The following SPG11 variants were observed in gnomAD, a reference collection of about 807,000 sequenced individuals.
SPG11 encodes the protein spatacsin.
A neutral mutation model predicts 274.0 loss-of-function variants in SPG11; 222 were observed. That is an observed-to-expected ratio of 0.81 (90% confidence interval 0.73 to 0.91). The LOEUF (loss-of-function observed/expected upper bound fraction) is 0.91, where lower values mean the gene tolerates loss of function less well. SPG11 is among the 40% of genes least tolerant of loss of function. The probability of loss-of-function intolerance (pLI) is 0.00; values close to 1 mark genes in which losing one functional copy is unlikely to be tolerated. For synonymous variants in SPG11, 1,144 were observed against 1,039.7 expected (o/e 1.10, Z -1.93); for missense variants, 3,114 against 2,872.7 (o/e 1.08, Z -1.92).
intron 7 of SPG11, among the ~76,000 whole-genome samples, chr15:44,646,193 C>A (rs555967971): frequency 6.6e-6 from 1 of 152,088 alleles, no homozygotes; most frequent in African/African-American, 2.4e-5. Context: ...ATATTCCTCA[C>A]GGCACTATTG....
chr15:44,622,734 G>A lies in SPG11; in HGVS notation c.2310C>T (p.Asp770=). Reference sequence around the variant, plus strand: ...TAGTCTCACCTTTACCTACCAAAAAGTCACGTATATTTTTATTAGTTGTAT... The same window carrying A: ...TAGTCTCACCTTTACCTACCAAAAAATCACGTATATTTTTATTAGTTGTAT... ...CFYTTNKNIR[D]FLVEILKEKN... The change falls in exon 12 of 40, where the codon GAC becomes GAT. Residue 770 remains aspartate, a synonymous_variant. Coordinates refer to ENST00000261866, the MANE Select transcript of SPG11 (RefSeq NM_025137.4). The A allele has an allele frequency of 6.2e-7, 1 of 1,612,186 alleles. No homozygotes were observed. The highest frequency in any genetic ancestry group is 8.5e-7 in the Non-Finnish European group (1 of 1,178,414).
chr15:44,641,922 G>GAAAAAAAAAAAAAAAAAAAAA (rs71111874), intron 7 of SPG11, among the ~76,000 whole-genome samples: 1 of 55,918 alleles, frequency 1.8e-5, no homozygotes, highest in Non-Finnish European at 3.8e-5. Context: ...CTGCTTAACA[G>GAAAAAAAAAAAAAAAAAAAAA]AAAAAAAAAA....
At chr15:44,629,984 T>C (rs891078256) in intron 8 of SPG11, among the ~76,000 whole-genome samples, 1 of 151,800 alleles carries the variant, frequency 6.6e-6, no homozygotes, top group Non-Finnish European at 1.5e-5. Context: ...GGCAGAAGAA[T>C]TGCTTGAACC....
intron 8 of SPG11, 136 bp downstream of exon 8, chr15:44,633,369 T>G (rs1255037868): frequency 4.9e-6 from 1 of 204,088 alleles, no homozygotes; most frequent in African/African-American, 3.8e-5. Flanking sequence ...AAAAGAAAGT[T>G]TCCAAAAAGT....
At position 44,564,662 on chromosome 15, in the gene SPG11, C is replaced by G; in HGVS notation, c.7036G>C (p.Asp2346His). The change falls in exon 39 of 40, where the codon GAT (aspartate) becomes CAT (histidine). Residue 2346 changes from aspartate (D) to histidine (H), a missense_variant. By Grantham distance (81) the Asp-to-His change is moderately conservative. Coordinates refer to ENST00000261866, the MANE Select transcript of SPG11 (RefSeq NM_025137.4). ...IVAEAYDFVP[D>H]WAEILYQQVI... ...TGCTGGTATAAAATTTCAGCCCAATCTGGAACAAAATCGTAGGCCTCAGCC... is the reference window on the plus strand; with the variant it reads ...TGCTGGTATAAAATTTCAGCCCAATGTGGAACAAAATCGTAGGCCTCAGCC... The G allele has an allele frequency of 6.2e-7, 1 of 1,614,142 alleles. No homozygotes were observed. The highest frequency in any genetic ancestry group is 8.5e-7 in the Non-Finnish European group (1 of 1,180,022).
intron 19 of SPG11, among the ~76,000 whole-genome samples, chr15:44,607,455 T>C (rs1595874641): frequency 6.6e-6 from 1 of 152,184 alleles, no homozygotes. Context: ...CTAATTGTTA[T>C]ATTTTTAGTA....
In SPG11 at chr15:44,583,881, A is replaced by G; in HGVS notation, c.5799T>C (p.Ala1933=). ...SMEDLHPEIH[A]LLQSAELLEE... ...CAAGCAGCTCAGCACTTTGTAGGAG[A>G]GCATGGATCTCTGGGTGCAGATCCT... Residue 1933 remains alanine, a synonymous_variant, in exon 30 of 40, where the codon GCT becomes GCC. Transcript: ENST00000261866. 6.2e-7 allele frequency: 1 copy of G among 1,614,158 alleles called. No homozygotes were observed. The highest frequency in any genetic ancestry group is 8.5e-7 in the Non-Finnish European group (1 of 1,180,034).
intron 30 of SPG11, among the ~76,000 whole-genome samples, chr15:44,576,510 G>T (rs917691024): frequency 6.6e-6 from 1 of 151,708 alleles, no homozygotes; most frequent in African/African-American, 2.4e-5. Flanking sequence ...TTAGCTGGAC[G>T]TGGTGGCGGG....
intron 30 of SPG11, among the ~76,000 whole-genome samples, chr15:44,575,565 GCT>G (rs1480147435): frequency 6.7e-6 from 1 of 149,376 alleles, no homozygotes; most frequent in Non-Finnish European, 1.5e-5. Flanking sequence ...TGCGATCTCA[GCT>G]CACTGCAACC....
chr15:44,565,973 G>A lies in SPG11; in HGVS notation c.6880C>T (p.Leu2294Phe). 4 of 1,613,932 alleles carry A rather than the reference G, an allele frequency of 2.5e-6. No individual in the cohort carries two copies. Among genetic ancestry groups the A allele is most frequent in the Non-Finnish European group, 3.4e-6 (4 of 1,180,044 alleles). Residue 2294 changes from leucine (L) to phenylalanine (F), a missense_variant, in exon 38 of 40, where the codon CTC becomes TTC. Coordinates refer to ENST00000261866, the MANE Select transcript of SPG11 (RefSeq NM_025137.4). Reference sequence around the variant, plus strand: ...ATCTGCAGAGTTATCAACTTGGTGAGCCGCTGACAGTGCTGGGCCTGTCGC... The same window carrying A: ...ATCTGCAGAGTTATCAACTTGGTGAACCGCTGACAGTGCTGGGCCTGTCGC... ...CVRQAQHCQR[L>F]TKLITLQIHF...
chr15:44,626,052 A>AT lies in SPG11; in HGVS notation c.2244+278dup, dbSNP rs200813714. On this transcript the variant is annotated intron_variant, in intron 11 of 39. Transcript: ENST00000261866. ...AGGTGTAAGCCACCACGTCCTTTTT[A>AT]TTTTTTTTAGAGACAGGGTCTTGCT... Among the ~76,000 whole-genome samples the AT allele has an allele frequency of 0.015, 2,207 of 151,462 alleles. 55 individuals carry two copies. Among genetic ancestry groups the AT allele is most frequent in the East Asian group, 0.1 (517 of 5,138 alleles).
intron 32 of SPG11, chr15:44,573,341 T>TA: frequency 1.5e-6 from 1 of 648,484 alleles, no homozygotes; most frequent in Admixed American, 2.5e-5. Flanking sequence ...CATAAAACAA[T>TA]AAAAAGCAAC....
At position 44,655,085 on chromosome 15, in the gene SPG11, ATC is replaced by A. The variant is rs1439910599; in HGVS notation, c.869+2008_869+2009del. Reference sequence around the variant, plus strand: ...CTTAAAATGCCATGTGGTACTAATAATCTCTGTGTGAGCAGTTCTTCTCTCCA... The same window carrying A: ...CTTAAAATGCCATGTGGTACTAATAATCTGTGTGAGCAGTTCTTCTCTCCA... On this transcript the variant is annotated intron_variant, in intron 4 of 39. Coordinates refer to ENST00000261866, the MANE Select transcript of SPG11 (RefSeq NM_025137.4). Among the ~76,000 whole-genome samples, 6 of 152,272 alleles carry A rather than the reference ATC, an allele frequency of 3.9e-5. No homozygotes were observed. In the East Asian group the frequency reaches 1.2e-3, roughly 29 times the overall value.
At chr15:44,580,776 C>T (rs540186432) in intron 30 of SPG11, among the ~76,000 whole-genome samples, 30 of 152,284 alleles carry the variant, frequency 2.0e-4, no homozygotes, top group African/African-American at 6.7e-4. Context: ...GGTGACAAAG[C>T]GAGACTCCGT....
At position 44,585,820 on chromosome 15, in the gene SPG11, C is replaced by T; in HGVS notation, c.4937G>A (p.Cys1646Tyr). 1.2e-6 allele frequency: 2 copies of T among 1,613,708 alleles called. No individual in the cohort carries two copies. The highest frequency in any genetic ancestry group is 1.7e-6 in the Non-Finnish European group (2 of 1,179,948). ...GPDVKKLCIL[C>Y]QILKDTSIAI... is the part of the protein sequence containing the mutation. The stretch of plus-strand genomic sequence containing the variant: ...TATGGATGTATCCTTCAAAATCTGG[C>T]AAAGGATGCAAAGCTTTTTCACATC... Residue 1646 changes from cysteine to tyrosine, a missense_variant, in exon 29 of 40, where the codon TGC becomes TAC. Physicochemically the swap from Cys to Tyr is radical, Grantham distance 194 (BLOSUM62 -2). Coordinates refer to ENST00000261866, the MANE Select transcript of SPG11 (RefSeq NM_025137.4).
In SPG11 at chr15:44,596,092, T is replaced by G; in HGVS notation, c.4425A>C (p.Ser1475=). 2 of 1,613,416 alleles carry G rather than the reference T, an allele frequency of 1.2e-6. No individual in the cohort carries two copies. Among genetic ancestry groups the G allele is most frequent in the Non-Finnish European group, 8.5e-7 (1 of 1,180,018 alleles). The change falls in exon 25 of 40, where the codon TCA becomes TCC. Residue 1475 remains serine (S), a synonymous_variant. Coordinates refer to ENST00000261866, the MANE Select transcript of SPG11 (RefSeq NM_025137.4). The part of the protein sequence containing the change: ...QQAPILSVLA[S]CLQGASAISC... Reference sequence around the variant, plus strand: ...TTCTCATGATCCTCACCTGGAGACATGAGGCCAGAACACTGAGGATAGGGG... The same window carrying G: ...TTCTCATGATCCTCACCTGGAGACAGGAGGCCAGAACACTGAGGATAGGGG...
chr15:44,581,413 C>T (rs1468463431), intron 30 of SPG11, among the ~76,000 whole-genome samples: 3 of 151,946 alleles, frequency 2.0e-5, no homozygotes, highest in Non-Finnish European at 4.4e-5. Flanking sequence ...TGCCATGTTG[C>T]CCAGGCTGGT....
intron 35 of SPG11, among the ~76,000 whole-genome samples, chr15:44,568,875 T>C (rs1231823860): frequency 6.6e-6 from 1 of 152,062 alleles, no homozygotes; most frequent in Admixed American, 6.6e-5. Flanking sequence ...CTTATTTTCT[T>C]CAGTATTTAG....
Position 44,585,983 on chromosome 15 carries a change from G to GTTT in SPG11, c.4907-136_4907-134dup, listed in dbSNP as rs71111868. On this transcript the variant is annotated intron_variant, in intron 28 of 39. Transcript: ENST00000261866. ...GTGGTTAAAGGAAAAATAAAAAGCTGTTTTTTTTTTTTTTTTTTTTTGAGA... is the reference window on the plus strand; with the variant it reads ...GTGGTTAAAGGAAAAATAAAAAGCTGTTTTTTTTTTTTTTTTTTTTTTTTGAGA... The GTTT allele has an allele frequency of 5.2e-3, 1,756 of 334,698 alleles. 25 individuals carry two copies. Among genetic ancestry groups the GTTT allele is most frequent in the East Asian group, 9.1e-3 (124 of 13,698 alleles). 20.7% of individuals were successfully genotyped at this position (334,698 alleles called of 1,614,324 possible).
Sources: allele counts gnomAD v4.1 joint callset (sites outside exome capture counted in the v4.1 genomes callset), GRCh38; gene constraint gnomAD v4.1.1; transcripts MANE v1.5; gene names NCBI Gene and HGNC (gene_info 2026-07-23, HGNC 2026-07-21).